SPEN: variants seen among roughly 807,000 people sequenced by gnomAD.
SPEN encodes the protein msx2-interacting protein.
A neutral mutation model predicts 269.9 loss-of-function variants in SPEN; 18 were observed. The observed-to-expected ratio is 0.07, with a 90% CI of 0.05 to 0.10. The LOEUF is 0.10. Among genes scored for constraint, SPEN ranks in the 10% least tolerant of loss-of-function variants. SPEN has a pLI of 1.00. For synonymous variants in SPEN, 1,726 were observed against 1,765.7 expected, an observed-to-expected ratio of 0.98 and a Z score of 0.56; for missense variants, 3,822 against 4,631.2, an observed-to-expected ratio of 0.83 and a Z score of 5.07.
chr1:15,902,028 A>C (rs1405401921), intron 3 of SPEN, among the ~76,000 whole-genome samples: 1 of 150,674 alleles, frequency 6.6e-6, no homozygotes, highest in Non-Finnish European at 1.5e-5. Context: ...TCCCAGGTTC[A>C]AACGATTCTC....
rs774448601 is a variant in SPEN, at chr1:15,932,189, G to T, written c.5949G>T (p.Ser1983=). 6.2e-7 allele frequency: 1 copy of T among 1,611,846 alleles called. No homozygotes were observed. The highest frequency in any genetic ancestry group is 1.3e-5 in the African/African-American group (1 of 74,796). ...TCAAGCCACCTGAGGGATGGCGGTCGCCAAGGTCCCAGAAAACTGCAGCTG... is the reference window on the plus strand; with the variant it reads ...TCAAGCCACCTGAGGGATGGCGGTCTCCAAGGTCCCAGAAAACTGCAGCTG... The part of the protein sequence containing the change: ...ETLKPPEGWR[S]PRSQKTAAGG... Residue 1983 remains serine (S), a synonymous_variant, in exon 11 of 15, where the codon TCG becomes TCT. Transcript: ENST00000375759. The surrounding 1 kb of genome is among the most constrained non-coding windows in gnomAD (Gnocchi z 4.2).
intron 3 of SPEN, among the ~76,000 whole-genome samples, chr1:15,907,809 T>C (rs1176508918): frequency 6.6e-6 from 1 of 152,238 alleles, no homozygotes; most frequent in Non-Finnish European, 1.5e-5. Context: ...GAAAAGAGAA[T>C]TTTATGTTTC....
At chr1:15,910,334 C>G (rs2071000974) in intron 4 of SPEN, among the ~76,000 whole-genome samples, 1 of 151,906 alleles carries the variant, frequency 6.6e-6, no homozygotes, top group East Asian at 1.9e-4. Context: ...ACACAAGACC[C>G]CCAGATGGTA....
chr1:15,939,521 G>T lies in SPEN; in HGVS notation c.*94G>T, dbSNP rs1413869061. On this transcript the variant is annotated 3_prime_UTR_variant, in exon 15 of 15. Transcript: ENST00000375759. The surrounding 1 kb of genome is among the most constrained non-coding windows in gnomAD (Gnocchi z 4.1). Reference sequence around the variant, plus strand: ...CCAAGCAGAGGAAGAAGCTGCCGAAGGGGACAGACTCCACTGCCAGACGGC... The same window carrying T: ...CCAAGCAGAGGAAGAAGCTGCCGAATGGGACAGACTCCACTGCCAGACGGC... The T allele has an allele frequency of 3.5e-6, 5 of 1,415,844 alleles. No homozygotes were observed. Among genetic ancestry groups the T allele is most frequent in the Non-Finnish European group, 3.7e-6 (4 of 1,067,238 alleles). 87.7% of individuals were successfully genotyped at this position (1,415,844 alleles called of 1,614,324 possible). A position where few individuals can be genotyped will look rare whatever the true frequency, so the allele number is the denominator to read the frequency against.
At chr1:15,938,972 C>T (rs1570077740) in intron 14 of SPEN, 96 bp downstream of exon 14, 1 of 1,469,414 alleles carries the variant, frequency 6.8e-7, no homozygotes, top group Non-Finnish European at 9.2e-7. Flanking sequence ...TAGATCTGGC[C>T]CCAGAGGTGG....
Position 15,930,212 on chromosome 1 carries a change from C to T in SPEN, c.3972C>T (p.Ala1324=), listed in dbSNP as rs762508522. 17 of 1,613,900 alleles carry T rather than the reference C, an allele frequency of 1.1e-5. No individual in the cohort carries two copies. Among genetic ancestry groups the T allele is most frequent in the Non-Finnish European group, 1.4e-5 (16 of 1,180,002 alleles). Residue 1324 remains alanine (A), a synonymous_variant, in exon 11 of 15, where the codon GCC becomes GCT. Transcript: ENST00000375759. This position sits in a 1 kb window ranked among gnomAD's most constrained non-coding sequence, Gnocchi z 5.3. ...SSRREQMADM[A]KIKLSVLNSE... ...GGAGAGAACAGATGGCAGATATGGC[C>T]AAAATAAAACTATCTGTCTTGAATT...
At chr1:15,873,180 T>C (rs961041077) in intron 2 of SPEN, 44 bp downstream of exon 2, 8 of 1,545,568 alleles carry the variant, frequency 5.2e-6, no homozygotes, top group African/African-American at 2.7e-5. Context: ...GTATTTGATA[T>C]GGTGAGAAAC....
chr1:15,920,376 T>C (rs1368087226), intron 8 of SPEN, among the ~76,000 whole-genome samples: 1 of 152,208 alleles, frequency 6.6e-6, no homozygotes, highest in Non-Finnish European at 1.5e-5. Flanking sequence ...ATACTTTAAA[T>C]GTAGCTTTTG....
rs956955805 is a variant in SPEN at position 15,940,159 on chromosome 1, G to A, written c.*732G>A. The A allele has an allele frequency of 1.8e-5, 4 of 225,792 alleles. No homozygotes were observed. The highest frequency in any genetic ancestry group is 6.3e-5 in the East Asian group (1 of 15,822). The allele number at this position is 225,792 out of a possible 1,614,324, so 14.0% of individuals were successfully genotyped here. A position where few individuals can be genotyped will look rare whatever the true frequency, so the allele number is the denominator to read the frequency against. On this transcript the variant is annotated 3_prime_UTR_variant, in exon 15 of 15. Coordinates refer to ENST00000375759, the MANE Select transcript of SPEN (RefSeq NM_015001.3). ...TAAAAAATCAAATCCCCCGACATACGTTTTTTTTAATCTGTGCCAAAAATG... is the reference window on the plus strand; with the variant it reads ...TAAAAAATCAAATCCCCCGACATACATTTTTTTTAATCTGTGCCAAAAATG...
rs781470996 is a variant in SPEN, at chr1:15,930,292, T to G, written c.4052T>G (p.Phe1351Cys). The G allele has an allele frequency of 5.0e-6, 8 of 1,614,152 alleles. 1 individual carries two copies. The Admixed American group carries it at 6.7e-5, about 13-fold the overall frequency. ...DSQMKQDAGR[F>C]DVSFPNSIIK... ...CAGATGAAACAGGATGCTGGCAGATTTGATGTGAGTTTCCCAAACAGCATA... is the reference window on the plus strand; with the variant it reads ...CAGATGAAACAGGATGCTGGCAGATGTGATGTGAGTTTCCCAAACAGCATA... Residue 1351 changes from phenylalanine to cysteine, a missense_variant, in exon 11 of 15, where the codon TTT (phenylalanine) becomes TGT (cysteine). Around this residue, in one of 16 missense-constraint regions of SPEN, gnomAD observed 267 missense variants for 315.5 expected, o/e 0.85. Transcript: ENST00000375759. The surrounding 1 kb of genome is among the most constrained non-coding windows in gnomAD (Gnocchi z 5.3).
Position 15,876,614 on chromosome 1 carries a change from G to A in SPEN, c.817G>A (p.Gly273Ser), listed in dbSNP as rs1178332065. The part of the protein sequence containing the change: ...SRPTRSPSGS[G>S]SRSRSSSSDS... ...ACCCACAAGGTCCCCTAGCGGCAGC[G>A]GCTCTAGAAGTAGATCCTCCAGTAG... Residue 273 changes from glycine to serine, a missense_variant, in exon 3 of 15, where the codon GGC (glycine) becomes AGC (serine). Physicochemically the swap from Gly to Ser is moderately conservative, Grantham distance 56. This residue lies in a region of SPEN where 327 missense variants were observed against 350.8 expected (regional missense o/e 0.93). Coordinates refer to ENST00000375759, the MANE Select transcript of SPEN (RefSeq NM_015001.3). 11 of 1,613,756 alleles carry A rather than the reference G, an allele frequency of 6.8e-6. No individual in the cohort carries two copies. The highest frequency in any genetic ancestry group is 1.1e-5 in the South Asian group (1 of 91,082).
chr1:15,927,536 T>C (rs1336007565), intron 10 of SPEN, among the ~76,000 whole-genome samples: 2 of 152,222 alleles, frequency 1.3e-5, no homozygotes, highest in African/African-American at 4.8e-5. Flanking sequence ...TTATCTGTTT[T>C]TCTAAACAGT....
intron 1 of SPEN, among the ~76,000 whole-genome samples, chr1:15,855,944 A>T (rs1391713934): frequency 6.6e-6 from 1 of 151,458 alleles, no homozygotes; most frequent in Non-Finnish European, 1.5e-5. Flanking sequence ...GGATTAAAAG[A>T]TAAAAGAGTA....
rs566668005 is a variant in SPEN, at chr1:15,925,569, T to C, written c.1851-2522T>C. Among the ~76,000 whole-genome samples, 7 of 152,156 alleles carry C rather than the reference T, an allele frequency of 4.6e-5. No homozygotes were observed. The South Asian group carries it at 1.2e-3, about 27-fold the overall frequency. On this transcript the variant is annotated intron_variant, in intron 10 of 14. Coordinates refer to ENST00000375759, the MANE Select transcript of SPEN (RefSeq NM_015001.3). ...CTGCCTTCCAAAACTTTTTTTAATA[T>C]TACTACTTAATAAATTTTTATTAAA... is the stretch of plus-strand genomic sequence containing the variant.
At chr1:15,850,631 GGA>G (rs1464151509) in intron 1 of SPEN, among the ~76,000 whole-genome samples, 1 of 152,130 alleles carries the variant, frequency 6.6e-6, no homozygotes, top group Non-Finnish European at 1.5e-5. Flanking sequence ...ATCCAGCTGT[GGA>G]GCTAAGTGGA....
At chr1:15,900,852 T>C (rs2070892317) in intron 3 of SPEN, among the ~76,000 whole-genome samples, 1 of 152,076 alleles carries the variant, frequency 6.6e-6, no homozygotes, top group African/African-American at 2.4e-5. Flanking sequence ...TGTAGGGTAC[T>C]TGGTAGATGC....
chr1:15,859,015 A>G (rs2070414783), intron 1 of SPEN, among the ~76,000 whole-genome samples: 1 of 152,216 alleles, frequency 6.6e-6, no homozygotes. Context: ...TTGGTGTATC[A>G]GTTACTTTGA....
At position 15,928,116 on chromosome 1, in the gene SPEN, T is replaced by TA; in HGVS notation, c.1877dup (p.Tyr626Ter). The change falls in exon 11 of 15, where the codon TAT becomes TAAT. Residue 626 changes from tyrosine (Y) to a stop codon, truncating the protein, a stop_gained and frameshift_variant. Transcript: ENST00000375759. LOFTEE classifies it high-confidence loss of function. This position sits in a 1 kb window ranked among gnomAD's most constrained non-coding sequence, Gnocchi z 5.7. ...AGAGGAACGAAGGGCATCCTACGAC[T>TA]ATAACCAAGATCGTACATATTATGA... ...RREERRASYD[Y>*]NQDRTYYESV... The TA allele has an allele frequency of 6.2e-7, 1 of 1,611,626 alleles. No homozygotes were observed. The highest frequency in any genetic ancestry group is 1.1e-5 in the South Asian group (1 of 90,796).
Position 15,937,101 on chromosome 1 carries a change from G to C in SPEN, c.10027-62G>C. 6.4e-7 allele frequency: 1 copy of C among 1,550,412 alleles called. No individual in the cohort carries two copies. The highest frequency in any genetic ancestry group is 8.7e-7 in the Non-Finnish European group (1 of 1,145,400). ...CCTGTGGCCCTTTGGGTCATTTGTT[G>C]GTCTCAGGGGCTTGTGCACAACAGA... On this transcript the variant is annotated intron_variant, in intron 11 of 14. Coordinates refer to ENST00000375759, the MANE Select transcript of SPEN (RefSeq NM_015001.3). This position sits in a 1 kb window ranked among gnomAD's most constrained non-coding sequence, Gnocchi z 5.7.
Sources: allele counts gnomAD v4.1 joint callset (sites outside exome capture counted in the v4.1 genomes callset), GRCh38; gene constraint gnomAD v4.1.1; regional missense constraint gnomAD v4.1.1; non-coding constraint Gnocchi (gnomAD v3.1); transcripts MANE v1.5; gene names NCBI Gene and HGNC (gene_info 2026-07-23, HGNC 2026-07-21).